Variants in SEPTIN10 observed in about 807,000 individuals in gnomAD.
The protein encoded by SEPTIN10 is septin 10, also known as septin-10.
In SEPTIN10, 66 loss-of-function variants were observed where a neutral mutation model predicts 54.8. The observed-to-expected ratio is 1.21, with a 90% CI of 0.99 to 1.48. SEPTIN10 has a LOEUF of 1.48. Ranked by LOEUF, SEPTIN10 falls within the 40% of genes most tolerant of loss-of-function variation. SEPTIN10 has a pLI of 0.00. For synonymous variants in SEPTIN10, 161 were observed against 181.0 expected (o/e 0.89, Z 0.89); for missense variants, 620 against 545.6 (o/e 1.14, Z -1.36).
intron 9 of SEPTIN10, among the ~76,000 whole-genome samples, chr2:109,550,176 G>A (rs1471845436): frequency 1.3e-5 from 2 of 151,758 alleles, no homozygotes; most frequent in East Asian, 3.9e-4. Context: ...TATAATCCCA[G>A]CTACTCGGGA....
intron 2 of SEPTIN10, among the ~76,000 whole-genome samples, chr2:109,586,525 G>A (rs1395607098): frequency 6.6e-6 from 1 of 152,168 alleles, no homozygotes; most frequent in Non-Finnish European, 1.5e-5. Flanking sequence ...GATTGGTTGG[G>A]AATTCAGGGA....
At chr2:109,593,662 C>T (rs533515148) in intron 1 of SEPTIN10, among the ~76,000 whole-genome samples, 1 of 152,180 alleles carries the variant, frequency 6.6e-6, no homozygotes, top group South Asian at 2.1e-4. Flanking sequence ...CCTCGGCCTC[C>T]CAGAGTGCTA....
intron 4 of SEPTIN10, among the ~76,000 whole-genome samples, chr2:109,584,905 A>T (rs564071513): frequency 6.6e-6 from 1 of 152,330 alleles, no homozygotes; most frequent in East Asian, 1.9e-4. Flanking sequence ...CATTTTAATA[A>T]GGTGATTCAA....
At chr2:109,603,846 C>T (rs970580880) in intron 1 of SEPTIN10, among the ~76,000 whole-genome samples, 1 of 151,854 alleles carries the variant, frequency 6.6e-6, no homozygotes, top group African/African-American at 2.4e-5. Context: ...CCAGCCTGGC[C>T]AATATGGTGA....
intron 8 of SEPTIN10, among the ~76,000 whole-genome samples, chr2:109,553,604 G>C (rs1305377709): frequency 6.8e-6 from 1 of 147,430 alleles, no homozygotes; most frequent in Non-Finnish European, 1.5e-5. Flanking sequence ...TGTAATCCCA[G>C]CACTTTGGGA....
At chr2:109,565,741 A>C in intron 7 of SEPTIN10, 22 bp downstream of exon 7, 1 of 1,578,852 alleles carries the variant, frequency 6.3e-7, no homozygotes, top group Non-Finnish European at 8.7e-7. Flanking sequence ...ACATATTTCT[A>C]GTCATCCTTT....
chr2:109,549,301 T>C (rs1338161794), intron 9 of SEPTIN10, among the ~76,000 whole-genome samples: 2 of 152,136 alleles, frequency 1.3e-5, no homozygotes, highest in African/African-American at 2.4e-5. Flanking sequence ...CAAATGGAGG[T>C]TGCATACCTC....
intron 6 of SEPTIN10, 54 bp from the exon 7 acceptor site, chr2:109,565,913 T>C: frequency 7.1e-7 from 1 of 1,417,322 alleles, no homozygotes; most frequent in African/African-American, 1.4e-5. Flanking sequence ...ACTGACTAGA[T>C]AAAATAAATT....
At chr2:109,590,223 T>TTA (rs1053321820) in intron 2 of SEPTIN10, among the ~76,000 whole-genome samples, 1 of 151,892 alleles carries the variant, frequency 6.6e-6, no homozygotes, top group African/African-American at 2.4e-5. Context: ...AAATCGCTTT[T>TTA]TATTGTATAT....
chr2:109,580,264 G>A (rs769308924), intron 4 of SEPTIN10, among the ~76,000 whole-genome samples: 4 of 149,644 alleles, frequency 2.7e-5, no homozygotes, highest in East Asian at 2.0e-4. Context: ...AAATTATAAG[G>A]TTAATTTGCC....
chr2:109,573,879 T>C (rs1043885141), intron 5 of SEPTIN10, among the ~76,000 whole-genome samples: 2 of 152,204 alleles, frequency 1.3e-5, no homozygotes, highest in Admixed American at 6.5e-5. Context: ...ATGGTCCAAA[T>C]TAAAATGTAT....
At chr2:109,605,618 AAT>A (rs1438565654) in intron 1 of SEPTIN10, 1 of 152,242 alleles carries the variant, frequency 6.6e-6, no homozygotes, top group Non-Finnish European at 1.5e-5. Flanking sequence ...TAAGCTAAAT[AAT>A]ATCTGTATAA....
chr2:109,564,286 C>T (rs1686385855), intron 8 of SEPTIN10, 80 bp downstream of exon 8: 2 of 1,245,410 alleles, frequency 1.6e-6, no homozygotes, highest in Non-Finnish European at 1.1e-6. Flanking sequence ...AGAACACATG[C>T]CCCATCATCC....
intron 8 of SEPTIN10, among the ~76,000 whole-genome samples, chr2:109,561,609 C>T (rs1052107369): frequency 2.6e-5 from 4 of 152,142 alleles, no homozygotes; most frequent in African/African-American, 9.7e-5. Context: ...TGTCTAATAA[C>T]CTACTCAAAC....
Position 109,567,843 on chromosome 2 carries a change from G to C in SEPTIN10, c.734C>G (p.Thr245Ser). 6.2e-7 allele frequency: 1 copy of C among 1,610,756 alleles called. No homozygotes were observed. Among genetic ancestry groups the C allele is most frequent in the Non-Finnish European group, 8.5e-7 (1 of 1,178,800 alleles). The change falls in exon 6 of 11, where the codon ACT becomes AGT. Residue 245 changes from threonine (T) to serine (S), a missense_variant. Physicochemically the swap from Thr to Ser is moderately conservative, Grantham distance 58. Coordinates refer to ENST00000397712, the MANE Select transcript of SEPTIN10 (RefSeq NM_144710.5). ...CATTGCAGCGTTGACCTTAGCAATA[G>C]TGTCATCATCCGTTGGGAACTGGTA... The part of the protein sequence containing the change: ...QIYQFPTDDD[T>S]IAKVNAAMNG...
chr2:109,555,328 C>A (rs1172330902), intron 8 of SEPTIN10, among the ~76,000 whole-genome samples: 1 of 152,188 alleles, frequency 6.6e-6, no homozygotes, highest in African/African-American at 2.4e-5. Flanking sequence ...CCAACCTGTT[C>A]ATTGTTCCCA....
intron 5 of SEPTIN10, among the ~76,000 whole-genome samples, chr2:109,573,791 G>C (rs1688939041): frequency 6.6e-6 from 1 of 152,180 alleles, no homozygotes; most frequent in Admixed American, 6.5e-5. Flanking sequence ...AAGTGAGTTA[G>C]TTTATGAATT....
At chr2:109,561,060 C>T (rs1480903785) in intron 8 of SEPTIN10, among the ~76,000 whole-genome samples, 1 of 150,784 alleles carries the variant, frequency 6.6e-6, no homozygotes, top group Non-Finnish European at 1.5e-5. Flanking sequence ...CCTAAAATAG[C>T]GTTGCCTTCC....
chr2:109,601,829 C>A (rs779522323), intron 1 of SEPTIN10, among the ~76,000 whole-genome samples: 7 of 151,308 alleles, frequency 4.6e-5, no homozygotes, highest in Non-Finnish European at 8.8e-5. Context: ...TTCTAATACT[C>A]TACAAGTTAC....
Sources: gnomAD v4.1 joint callset for allele counts (sites outside exome capture counted in the v4.1 genomes callset) on GRCh38, gnomAD v4.1.1 for gene constraint, MANE v1.5 for transcripts, NCBI Gene and HGNC (gene_info 2026-07-23, HGNC 2026-07-21) for gene names.